YKT6: variants seen among roughly 807,000 people sequenced by gnomAD.
YKT6 encodes YKT6 vesicular SNARE protein, also known as synaptobrevin homolog YKT6.
A neutral mutation model predicts 29.3 loss-of-function variants in YKT6; 12 were observed. The observed-to-expected ratio is 0.41, with a 90% CI of 0.26 to 0.66. The LOEUF is 0.66. Among genes scored for constraint, YKT6 ranks in the 30% least tolerant of loss-of-function variants. The pLI is 0.32. For synonymous variants in YKT6, 86 were observed against 94.3 expected (o/e 0.91, Z 0.51); for missense variants, 188 against 243.8 (o/e 0.77, Z 1.52).
chr7:44,204,930 C>T (rs1474606692), intron 2 of YKT6, among the ~76,000 whole-genome samples: 1 of 152,246 alleles, frequency 6.6e-6, no homozygotes, highest in South Asian at 2.1e-4. Flanking sequence ...TCCCTATCCT[C>T]TTCAGAGTTG....
chr7:44,212,537 G>A lies in YKT6; in HGVS notation c.*255G>A, dbSNP rs1488283142. 12 of 488,380 alleles carry A rather than the reference G, an allele frequency of 2.5e-5. No homozygotes were observed. The highest frequency in any genetic ancestry group is 7.8e-5 in the African/African-American group (4 of 51,474). The allele number at this position is 488,380 out of a possible 1,614,324, so 30.3% of individuals were successfully genotyped here. On this transcript the variant is annotated 3_prime_UTR_variant, in exon 7 of 7. Transcript: ENST00000223369. The stretch of plus-strand genomic sequence containing the variant: ...TTGGGCAAATGAAACCATAAACTCC[G>A]ACTGGCTTCTGTAGATGCCAAAGGG...
intron 5 of YKT6, chr7:44,208,482 G>A: frequency 2.6e-6 from 1 of 390,164 alleles, no homozygotes; most frequent in Non-Finnish European, 4.8e-6. Context: ...CATTTACTGG[G>A]TTCCTAGGGT....
chr7:44,210,699 CAAAT>C, intron 5 of YKT6: 1 of 383,388 alleles, frequency 2.6e-6, no homozygotes, highest in Admixed American at 3.2e-5. Context: ...CACACACACA[CAAAT>C]GTATATATAA....
At chr7:44,204,743 C>G (rs904393264) in intron 2 of YKT6, 93 bp downstream of exon 2, 1 of 1,149,452 alleles carries the variant, frequency 8.7e-7, no homozygotes, top group Non-Finnish European at 1.3e-6. Flanking sequence ...TACTGGGACC[C>G]TACTCCTCCT....
At chr7:44,203,182 C>T (rs562383807) in intron 1 of YKT6, among the ~76,000 whole-genome samples, 10 of 152,320 alleles carry the variant, frequency 6.6e-5, no homozygotes, top group African/African-American at 2.4e-4. Context: ...CAACCTCCGC[C>T]TCCTGGGTTC....
At chr7:44,211,341 C>A (rs1041839894) in intron 6 of YKT6, among the ~76,000 whole-genome samples, 1 of 152,184 alleles carries the variant, frequency 6.6e-6, no homozygotes, top group Non-Finnish European at 1.5e-5. Context: ...GGGCCGAGGC[C>A]TTGTTCCACT....
Position 44,208,121 on chromosome 7 carries a change from A to C in YKT6, c.394-12A>C. On this transcript the variant is annotated splice_polypyrimidine_tract_variant and intron_variant, in intron 4 of 6. Coordinates refer to ENST00000223369, the MANE Select transcript of YKT6 (RefSeq NM_006555.4). ...TCCAGTCCTGACTTTATTATTTTTC[A>C]CTCTTTCCTAGAACCCACGAGAAGC... The C allele has an allele frequency of 1.2e-6, 2 of 1,613,110 alleles. No individual in the cohort carries two copies. The highest frequency in any genetic ancestry group is 1.7e-6 in the Non-Finnish European group (2 of 1,179,648).
intron 5 of YKT6, 198 bp downstream of exon 5, chr7:44,208,396 A>G (rs2096343227): frequency 3.6e-6 from 2 of 555,578 alleles, no homozygotes; most frequent in Non-Finnish European, 3.2e-6. Context: ...AATGGCACCC[A>G]TTGTTTCTAG....
intron 1 of YKT6, among the ~76,000 whole-genome samples, chr7:44,201,507 A>G (rs182404492): frequency 2.6e-5 from 4 of 152,348 alleles, no homozygotes; most frequent in African/African-American, 9.6e-5. Flanking sequence ...CCTTTGAGGA[A>G]CCAACATTAG....
At chr7:44,208,578 A>G (rs1227405104) in intron 5 of YKT6, 1 of 264,032 alleles carries the variant, frequency 3.8e-6, no homozygotes, top group African/African-American at 2.2e-5. Flanking sequence ...CTCCCCTTGC[A>G]GCGTTTGCAT....
In YKT6 at chr7:44,206,416, T is replaced by G; in HGVS notation, c.219T>G (p.Asp73Glu). Reference protein sequence around the residue: ...DYLCHVYVRNDSLAGVVIADN... With the variant: ...DYLCHVYVRNESLAGVVIADN... ...TGTGCCACGTCTACGTCCGGAATGA[T>G]AGTCTTGCAGGTGTGGTCATTGCTG... Residue 73 changes from aspartate to glutamate, a missense_variant, in exon 3 of 7, where the codon GAT becomes GAG. This residue lies in a region of YKT6 where 100 missense variants were observed against 136.3 expected (regional missense o/e 0.73). Coordinates refer to ENST00000223369, the MANE Select transcript of YKT6 (RefSeq NM_006555.4). 1 of 1,614,138 alleles carries G rather than the reference T, an allele frequency of 6.2e-7. No individual in the cohort carries two copies. Among genetic ancestry groups the G allele is most frequent in the East Asian group, 2.2e-5 (1 of 44,890 alleles).
rs2096348735 is a variant in YKT6 at position 44,213,156 on chromosome 7, C to T, written c.*874C>T. The T allele has an allele frequency of 6.6e-6, 1 of 152,254 alleles. No homozygotes were observed. Among genetic ancestry groups the T allele is most frequent in the Non-Finnish European group, 1.5e-5 (1 of 68,062 alleles). The allele number at this position is 152,254 out of a possible 1,614,324, so 9.4% of individuals were successfully genotyped here. A position where few individuals can be genotyped will look rare whatever the true frequency, so the allele number is the denominator to read the frequency against. ...AGGGCCTCTGGGACACTTGCCTTGA[C>T]TTGCAACTTGCCTTGAACATCACGA... On this transcript the variant is annotated 3_prime_UTR_variant, in exon 7 of 7. Transcript: ENST00000223369.
chr7:44,209,666 T>C (rs2128840303), intron 5 of YKT6, among the ~76,000 whole-genome samples: 1 of 152,338 alleles, frequency 6.6e-6, no homozygotes, highest in Admixed American at 6.5e-5. Flanking sequence ...ATGAAGGACA[T>C]TCTTGCTGGC....
At chr7:44,201,350 G>A (rs906243507) in intron 1 of YKT6, 111 bp downstream of exon 1, 7 of 649,058 alleles carry the variant, frequency 1.1e-5, no homozygotes, top group Non-Finnish European at 1.6e-5. Flanking sequence ...GGGTGGAGGA[G>A]GCCAAGGGTA....
At chr7:44,211,179 G>A (rs1183542725) in intron 6 of YKT6, 55 bp downstream of exon 6, 2 of 1,500,576 alleles carry the variant, frequency 1.3e-6, no homozygotes, top group Non-Finnish European at 1.8e-6. Context: ...AGCAGTCGCA[G>A]CTTGCTGCTT....
chr7:44,203,127 T>C (rs1036999134), intron 1 of YKT6, among the ~76,000 whole-genome samples: 5 of 152,208 alleles, frequency 3.3e-5, no homozygotes, highest in Non-Finnish European at 5.9e-5. Context: ...GGAGTCTTGC[T>C]CTGTCACCCA....
chr7:44,202,070 C>T (rs1309674850), intron 1 of YKT6, among the ~76,000 whole-genome samples: 1 of 152,128 alleles, frequency 6.6e-6, no homozygotes, highest in Non-Finnish European at 1.5e-5. Flanking sequence ...GACTCAGGCA[C>T]GAAAGAAGGA....
At chr7:44,203,668 A>T (rs960107084) in intron 1 of YKT6, among the ~76,000 whole-genome samples, 1 of 152,162 alleles carries the variant, frequency 6.6e-6, no homozygotes, top group Non-Finnish European at 1.5e-5. Context: ...GTGTGCAGGC[A>T]TTGTTCCAAG....
chr7:44,202,609 T>C (rs1247345206), intron 1 of YKT6, among the ~76,000 whole-genome samples: 1 of 152,216 alleles, frequency 6.6e-6, no homozygotes, highest in Non-Finnish European at 1.5e-5. Context: ...TTTCTTTCCT[T>C]TTTAAGGCTG....
Sources: gnomAD v4.1 joint callset for allele counts (sites outside exome capture counted in the v4.1 genomes callset) on GRCh38, gnomAD v4.1.1 for gene constraint, gnomAD v4.1.1 regional missense constraint, MANE v1.5 for transcripts, NCBI Gene and HGNC (gene_info 2026-07-23, HGNC 2026-07-21) for gene names.